The following RBFOX2 variants were observed in gnomAD, a reference collection of about 807,000 sequenced individuals.
RBFOX2 encodes RNA binding fox-1 homolog 2, also known as RNA binding protein fox-1 homolog 2.
A neutral mutation model predicts 49.1 loss-of-function variants in RBFOX2; 10 were observed. That is an observed-to-expected ratio of 0.20 (90% CI 0.13 to 0.35). RBFOX2 has a LOEUF of 0.35. Ranked by LOEUF, RBFOX2 falls within the 10% of genes least tolerant of loss-of-function variation. RBFOX2 has a pLI of 1.00. For synonymous variants in RBFOX2, 183 were observed against 187.4 expected (o/e 0.98, Z 0.19); for missense variants, 323 against 486.9 (o/e 0.66, Z 3.17).
intron 1 of RBFOX2, among the ~76,000 whole-genome samples, chr22:35,953,010 G>C (rs964096361): frequency 1.3e-5 from 2 of 151,914 alleles, no homozygotes; most frequent in African/African-American, 4.8e-5. Context: ...AGGAGATTGA[G>C]ACCATCCTGG....
At chr22:35,848,904 G>A (rs1431725295) in intron 1 of RBFOX2, among the ~76,000 whole-genome samples, 2 of 152,052 alleles carry the variant, frequency 1.3e-5, no homozygotes, top group Admixed American at 6.6e-5. Context: ...GAAGTTATTT[G>A]AGCATGAACA....
chr22:36,005,701 C>A (rs2058594545), intron 1 of RBFOX2, among the ~76,000 whole-genome samples: 1 of 152,224 alleles, frequency 6.6e-6, no homozygotes, highest in African/African-American at 2.4e-5. Context: ...TAGGTCCCCA[C>A]TGAATCTAAG....
At chr22:35,891,930 C>G (rs991870215) in intron 1 of RBFOX2, among the ~76,000 whole-genome samples, 1 of 151,578 alleles carries the variant, frequency 6.6e-6, no homozygotes. Context: ...TCCCGAGCCA[C>G]GAGTACTTAA....
intron 1 of RBFOX2, among the ~76,000 whole-genome samples, chr22:35,867,553 A>G (rs2043835589): frequency 6.6e-6 from 1 of 152,208 alleles, no homozygotes; most frequent in South Asian, 2.1e-4. Flanking sequence ...ACCACCTTGT[A>G]ATAGCCTTTT....
intron 1 of RBFOX2, among the ~76,000 whole-genome samples, chr22:35,890,618 T>C (rs1035102357): frequency 1.3e-5 from 2 of 152,108 alleles, no homozygotes; most frequent in Non-Finnish European, 2.9e-5. Flanking sequence ...AGGCTAATTG[T>C]GGTATAGCAA....
At chr22:35,967,675 C>A (rs1423380627) in intron 1 of RBFOX2, among the ~76,000 whole-genome samples, 2 of 152,144 alleles carry the variant, frequency 1.3e-5, no homozygotes, top group Non-Finnish European at 2.9e-5. Flanking sequence ...AGAATTTTGA[C>A]ATTGGAGCCC....
At chr22:36,001,405 T>C (rs1041057148) in intron 1 of RBFOX2, among the ~76,000 whole-genome samples, 3 of 152,134 alleles carry the variant, frequency 2.0e-5, no homozygotes, top group Non-Finnish European at 1.5e-5. Flanking sequence ...CCTGAGTTTA[T>C]GACAAAAGAA....
chr22:35,843,864 A>T (rs565765167), upstream of RBFOX2, among the ~76,000 whole-genome samples: 10 of 152,302 alleles, frequency 6.6e-5, no homozygotes, highest in African/African-American at 2.4e-4. Context: ...GAGGATCTGT[A>T]GTATTTATCA....
intron 2 of RBFOX2, among the ~76,000 whole-genome samples, chr22:35,796,961 G>A (rs1342811505): frequency 1.3e-5 from 2 of 151,962 alleles, no homozygotes; most frequent in African/African-American, 4.8e-5. Flanking sequence ...GAAGTGGCAG[G>A]CCCACTTCAT....
At chr22:35,772,040 A>G (rs1280925894) in intron 4 of RBFOX2, among the ~76,000 whole-genome samples, 1 of 152,120 alleles carries the variant, frequency 6.6e-6, no homozygotes, top group Non-Finnish European at 1.5e-5. Flanking sequence ...CATACAACCT[A>G]TCAAACACTG....
chr22:35,884,823 A>G (rs2046365386), intron 1 of RBFOX2, among the ~76,000 whole-genome samples: 1 of 152,282 alleles, frequency 6.6e-6, no homozygotes, highest in African/African-American at 2.4e-5. Flanking sequence ...ATGTATTACA[A>G]CATATTGGTT....
intron 1 of RBFOX2, among the ~76,000 whole-genome samples, chr22:35,883,767 AGT>A (rs1214899058): frequency 1.3e-5 from 2 of 152,196 alleles, no homozygotes; most frequent in Non-Finnish European, 2.9e-5. Flanking sequence ...TATAAATGAT[AGT>A]GTTGCTAAAC....
intron 1 of RBFOX2, among the ~76,000 whole-genome samples, chr22:35,977,620 A>G (rs2057236967): frequency 6.6e-6 from 1 of 150,964 alleles, no homozygotes; most frequent in African/African-American, 2.4e-5. Flanking sequence ...TTATATCTTG[A>G]TTGTGGTAGT....
At chr22:35,775,545 A>T (rs998877761) in intron 4 of RBFOX2, among the ~76,000 whole-genome samples, 2 of 152,042 alleles carry the variant, frequency 1.3e-5, no homozygotes, top group Non-Finnish European at 2.9e-5. Flanking sequence ...AGGTAAATTT[A>T]AAAAAATGTG....
At chr22:35,938,723 G>A (rs1370697335) in intron 1 of RBFOX2, 124 bp downstream of exon 2, 1 of 879,958 alleles carries the variant, frequency 1.1e-6, no homozygotes, top group Non-Finnish European at 1.8e-6. Context: ...TAAATTCACT[G>A]CTGAAACAAG....
chr22:35,739,623 T>C (rs1362699878), exon 12 of RBFOX2: 2 of 152,608 alleles, frequency 1.3e-5, no homozygotes, highest in South Asian at 2.1e-4. Flanking sequence ...GGTATGGACA[T>C]TGCTTAAAGC....
At chr22:35,865,645 T>C (rs5755970) in intron 1 of RBFOX2, among the ~76,000 whole-genome samples, 152,235 of 152,254 alleles carry the variant, frequency 1, 76,108 homozygotes, top group Middle Eastern at 1. Flanking sequence ...TGACCTAAAC[T>C]AGTGTGGATA....
intron 1 of RBFOX2, among the ~76,000 whole-genome samples, chr22:35,921,503 A>C (rs2051019416): frequency 6.6e-6 from 1 of 152,226 alleles, no homozygotes; most frequent in South Asian, 2.1e-4. Context: ...AGACTTACAA[A>C]GTCTTCTTAC....
At chr22:35,905,448 CT>C (rs1331129085) in intron 1 of RBFOX2, among the ~76,000 whole-genome samples, 1 of 152,032 alleles carries the variant, frequency 6.6e-6, no homozygotes, top group African/African-American at 2.4e-5. Flanking sequence ...CACTATTTTA[CT>C]GTTAAGAAGA....
Sources: allele counts gnomAD v4.1 joint callset (sites outside exome capture counted in the v4.1 genomes callset), GRCh38; gene constraint gnomAD v4.1.1; transcripts MANE v1.5; gene names NCBI Gene and HGNC (gene_info 2026-07-23, HGNC 2026-07-21).